ELP2: variants seen among roughly 807,000 people sequenced by gnomAD.
ELP2 encodes the protein elongator complex protein 2.
Under a neutral mutation model 119.2 loss-of-function variants are expected in ELP2, and 90 were observed. That is an observed-to-expected ratio of 0.75 (90% CI 0.64 to 0.90). The LOEUF (loss-of-function observed/expected upper bound fraction) is 0.90. ELP2 is among the 40% of genes least tolerant of loss of function. ELP2 has a pLI of 0.00. For missense variants in ELP2, 921 were observed against 967.8 expected (o/e 0.95, Z 0.64); for synonymous variants, 339 against 331.0 (o/e 1.02, Z -0.26).
intron 6 of ELP2, 69 bp from the exon 7 acceptor site, chr18:36,142,212 A>T: frequency 1.6e-6 from 2 of 1,277,620 alleles, no homozygotes; most frequent in Non-Finnish European, 2.3e-6. Flanking sequence ...TCTGAGACCA[A>T]ATGATGTCAC....
At chr18:36,150,118 G>T (rs1201806880) in intron 11 of ELP2, among the ~76,000 whole-genome samples, 4 of 152,152 alleles carry the variant, frequency 2.6e-5, no homozygotes, top group Non-Finnish European at 5.9e-5. Flanking sequence ...ACTAGCATCA[G>T]TCTTACTTGC....
chr18:36,165,430 C>T (rs755031551), intron 18 of ELP2, among the ~76,000 whole-genome samples: 20 of 152,188 alleles, frequency 1.3e-4, no homozygotes, highest in Non-Finnish European at 2.6e-4. Flanking sequence ...TGATAAGACT[C>T]GCATACAGTT....
rs1188467022 is a variant in ELP2, at chr18:36,179,336, G to T, written c.*4695G>T. Reference sequence around the variant, plus strand: ...AAAAAAAAAAAAATTAGTCGGGCATGGTGGTGGGCGCCTGTAATCCCAGAT... The same window carrying T: ...AAAAAAAAAAAAATTAGTCGGGCATTGTGGTGGGCGCCTGTAATCCCAGAT... On this transcript the variant is annotated 3_prime_UTR_variant, in exon 22 of 22. Coordinates refer to ENST00000358232, the MANE Select transcript of ELP2 (RefSeq NM_018255.4). The T allele has an allele frequency of 6.8e-6, 1 of 146,392 alleles. No homozygotes were observed. Among genetic ancestry groups the T allele is most frequent in the Non-Finnish European group, 1.5e-5 (1 of 66,326 alleles). 9.1% of individuals were successfully genotyped at this position (146,392 alleles called of 1,614,324 possible). A position where few individuals can be genotyped will look rare whatever the true frequency, so the allele number is the denominator to read the frequency against.
Position 36,130,068 on chromosome 18 carries a change from C to G in ELP2, c.135C>G (p.Pro45=), listed in dbSNP as rs934861812. The change falls in exon 1 of 22, where the codon CCC becomes CCG. Residue 45 remains proline (P), a synonymous_variant. Coordinates refer to ENST00000358232, the MANE Select transcript of ELP2 (RefSeq NM_018255.4). ...CCTGCTCCGTGGTGCTCTATGACCC[C>G]CTGGTAAGAGAGGTCGCTGGACGGC... The part of the protein sequence containing the change: ...GTSCSVVLYD[P]LKRVVVTNLN... 5 of 1,614,056 alleles carry G rather than the reference C, an allele frequency of 3.1e-6. No individual in the cohort carries two copies. The highest frequency in any genetic ancestry group is 3.4e-6 in the Non-Finnish European group (4 of 1,180,040).
Position 36,160,920 on chromosome 18 carries a change from T to C in ELP2, c.1689-12T>C, listed in dbSNP as rs1260723163. 1.9e-6 allele frequency: 3 copies of C among 1,597,010 alleles called. No individual in the cohort carries two copies. Among genetic ancestry groups the C allele is most frequent in the East Asian group, 2.2e-5 (1 of 44,746 alleles). On this transcript the variant is annotated splice_polypyrimidine_tract_variant and intron_variant, in intron 16 of 21. Transcript: ENST00000358232. ...ATTTGCTAATAGTACTTTTTTTCTT[T>C]TTAAATTTTAGATATGGGCACGGTT...
rs1212107550 is a variant in ELP2, at chr18:36,138,410, T to TA, written c.434dup (p.Pro147SerfsTer28). 6.2e-7 allele frequency: 1 copy of TA among 1,613,962 alleles called. No homozygotes were observed. The highest frequency in any genetic ancestry group is 8.5e-7 in the Non-Finnish European group (1 of 1,179,998). The stretch of plus-strand genomic sequence containing the variant: ...CAGATTCTGCTGTTCGACTCTGGTC[T>TA]AAAAAGGGTCCAGAAGGTAGGTTTG... On this transcript the variant is annotated frameshift_variant, in exon 4 of 22. Transcript: ENST00000358232. LOFTEE classifies it high-confidence loss of function.
intron 17 of ELP2, among the ~76,000 whole-genome samples, chr18:36,162,178 T>A (rs926683102): frequency 6.6e-6 from 1 of 152,180 alleles, no homozygotes; most frequent in African/African-American, 2.4e-5. Context: ...CCCCCAACAT[T>A]GTCTGTGCTC....
At chr18:36,147,250 T>A (rs577053466) in intron 11 of ELP2, among the ~76,000 whole-genome samples, 149 of 152,016 alleles carry the variant, frequency 9.8e-4, no homozygotes, top group South Asian at 8.1e-3. Flanking sequence ...ATATCTAAAA[T>A]TTTTTTTATA....
rs773082376 is a variant in ELP2 at position 36,138,845 on chromosome 18, T to G, written c.496T>G (p.Cys166Gly). The change falls in exon 5 of 22, where the codon TGC becomes GGC. Residue 166 changes from cysteine (C) to glycine (G), a missense_variant. By Grantham distance (159) the Cys-to-Gly change is radical (BLOSUM62 -3). Coordinates refer to ENST00000358232, the MANE Select transcript of ELP2 (RefSeq NM_018255.4). ...TGGAAATGGATTTGCTTTGGCTCTC[T>G]GCTTATCTTTTTTGCCAAATACTGA... ...NFGNGFALALCLSFLPNTDVP... is the reference protein window; with the variant it reads ...NFGNGFALALGLSFLPNTDVP... 1 of 1,613,990 alleles carries G rather than the reference T, an allele frequency of 6.2e-7. No homozygotes were observed. The highest frequency in any genetic ancestry group is 8.5e-7 in the Non-Finnish European group (1 of 1,179,924).
rs1406718735 is a variant in ELP2, at chr18:36,175,502, A to G, written c.*861A>G. On this transcript the variant is annotated 3_prime_UTR_variant, in exon 22 of 22. Coordinates refer to ENST00000358232, the MANE Select transcript of ELP2 (RefSeq NM_018255.4). The stretch of plus-strand genomic sequence containing the variant: ...CATAGATTTGTCTTTTTAGGGCTTT[A>G]CTGAAAGTAAAATATCCTGACATTT... 3 of 152,178 alleles carry G rather than the reference A, an allele frequency of 2.0e-5. No homozygotes were observed. The highest frequency in any genetic ancestry group is 4.4e-5 in the Non-Finnish European group (3 of 68,036). The allele number at this position is 152,178 out of a possible 1,614,324, so 9.4% of individuals were successfully genotyped here. A position where few individuals can be genotyped will look rare whatever the true frequency, so the allele number is the denominator to read the frequency against.
chr18:36,161,077 T>G lies in ELP2; in HGVS notation c.1761+73T>G. On this transcript the variant is annotated intron_variant, in intron 17 of 21. Coordinates refer to ENST00000358232, the MANE Select transcript of ELP2 (RefSeq NM_018255.4). ...CATCAGGCTCCTGCAAGTTTGGTAA[T>G]GATTTAGGCAGAACTCTACGTGAAA... 6 of 1,089,272 alleles carry G rather than the reference T, an allele frequency of 5.5e-6. No homozygotes were observed. The South Asian group carries it at 7.5e-5, about 14-fold the overall frequency. The allele number at this position is 1,089,272 out of a possible 1,614,324, so 67.5% of individuals were successfully genotyped here. A position where few individuals can be genotyped will look rare whatever the true frequency, so the allele number is the denominator to read the frequency against.
At chr18:36,155,065 T>C in intron 12 of ELP2, 66 bp downstream of exon 12, 3 of 1,384,042 alleles carry the variant, frequency 2.2e-6, no homozygotes. Flanking sequence ...CAGGCTGAAG[T>C]GCAATGGCAC....
chr18:36,144,831 T>C lies in ELP2; in HGVS notation c.797-108T>C. ...TTTTTTTGAATCCCAACTATCATAT[T>C]TTGTCCTAATTTTTTTTTCTTACAT... On this transcript the variant is annotated intron_variant, in intron 8 of 21. Coordinates refer to ENST00000358232, the MANE Select transcript of ELP2 (RefSeq NM_018255.4). 3.4e-6 allele frequency: 3 copies of C among 873,270 alleles called. 1 individual carries two copies. The South Asian group carries it at 4.3e-5, about 12-fold the overall frequency. The allele number at this position is 873,270 out of a possible 1,614,324, so 54.1% of individuals were successfully genotyped here. A position where few individuals can be genotyped will look rare whatever the true frequency, so the allele number is the denominator to read the frequency against.
chr18:36,130,098 C>A, intron 1 of ELP2, 27 bp downstream of exon 1: 4 of 1,613,832 alleles, frequency 2.5e-6, no homozygotes, highest in Non-Finnish European at 3.4e-6. Flanking sequence ...GACGGCCGAC[C>A]CTTGTGCTTT....
Position 36,141,176 on chromosome 18 carries a change from ACAT to A in ELP2, c.564_566del (p.His188_Ile189delinsGln). On this transcript the variant is annotated inframe_deletion, in exon 6 of 22. Transcript: ENST00000358232. ...TGTGGCAATGATGATTGCAGAATTC[ACAT>A]ATTTGCTCAACAAAATGATCAGGTA... 1 of 1,613,756 alleles carries A rather than the reference ACAT, an allele frequency of 6.2e-7. No homozygotes were observed. Among genetic ancestry groups the A allele is most frequent in the Non-Finnish European group, 8.5e-7 (1 of 1,179,746 alleles).
At position 36,168,086 on chromosome 18, in the gene ELP2, A is replaced by G. The variant is rs1322584213; in HGVS notation, c.2076+864A>G. 2.0e-5 allele frequency among the ~76,000 whole-genome samples: 3 copies of G among 152,134 alleles called. No homozygotes were observed. The East Asian group carries it at 5.8e-4, about 29-fold the overall frequency. On this transcript the variant is annotated intron_variant, in intron 19 of 21. Transcript: ENST00000358232. The stretch of plus-strand genomic sequence containing the variant: ...CTCTTTAAAATATCCTTTTGTTCCT[A>G]CAGACTAGAGGTGGTGAAGCAGTTT...
chr18:36,135,993 A>G (rs1489383399), intron 2 of ELP2, among the ~76,000 whole-genome samples: 1 of 152,234 alleles, frequency 6.6e-6, no homozygotes, highest in East Asian at 1.9e-4. Context: ...ATACTTATCA[A>G]TGTTAGAATT....
At chr18:36,148,961 G>A (rs2090300545) in intron 11 of ELP2, among the ~76,000 whole-genome samples, 1 of 152,196 alleles carries the variant, frequency 6.6e-6, no homozygotes, top group Non-Finnish European at 1.5e-5. Flanking sequence ...AGGCCACTCA[G>A]GTTTGCAGAT....
Position 36,129,927 on chromosome 18 carries a change from T to G in ELP2, c.-7T>G, listed in dbSNP as rs750712010. Reference sequence around the variant, plus strand: ...TCTCTTGTTTGTGCGGCTGACCAGTTGGCGACATGGTGGCACCCGTGCTGG... The same window carrying G: ...TCTCTTGTTTGTGCGGCTGACCAGTGGGCGACATGGTGGCACCCGTGCTGG... On this transcript the variant is annotated 5_prime_UTR_variant, in exon 1 of 22. Transcript: ENST00000358232. The G allele has an allele frequency of 2.8e-5, 46 of 1,614,186 alleles. No individual in the cohort carries two copies. The highest frequency in any genetic ancestry group is 3.7e-5 in the Non-Finnish European group (44 of 1,180,032).
Sources: allele counts gnomAD v4.1 joint callset (sites outside exome capture counted in the v4.1 genomes callset), GRCh38; gene constraint gnomAD v4.1.1; transcripts MANE v1.5; gene names NCBI Gene and HGNC (gene_info 2026-07-23, HGNC 2026-07-21).